The following DCLK1 variants were observed in gnomAD, a reference collection of about 807,000 sequenced individuals.
DCLK1 encodes doublecortin like kinase 1.
A neutral mutation model predicts 86.2 loss-of-function variants in DCLK1; 16 were observed. That is an observed-to-expected ratio of 0.19 (90% CI 0.13 to 0.28). DCLK1 has a LOEUF of 0.28. Ranked by LOEUF, DCLK1 falls within the 10% of genes least tolerant of loss-of-function variation. The pLI, the probability that DCLK1 is intolerant of heterozygous loss-of-function variation, is 1.00. For missense variants in DCLK1, 590 were observed against 940.2 expected (o/e 0.63, Z 4.87); for synonymous variants, 369 against 370.5 (o/e 1.00, Z 0.05).
In DCLK1 at chr13:35,789,224, G is replaced by A. The variant is rs188141521; in HGVS notation, c.2058+4142C>T. 3.6e-3 allele frequency among the ~76,000 whole-genome samples: 546 copies of A among 152,258 alleles called. 2 individuals carry two copies. Among genetic ancestry groups the A allele is most frequent in the African/African-American group, 0.013 (526 of 41,562 alleles). On this transcript the variant is annotated intron_variant, in intron 16 of 16. Transcript: ENST00000360631. ...GGGGCTCATGTGTTCTTTCAAGTGC[G>A]TTACTGGTATGATGCTGATGACAGT...
chr13:36,053,625 C>CAA, intron 3 of DCLK1, among the ~76,000 whole-genome samples: 1 of 137,974 alleles, frequency 7.2e-6, no homozygotes, highest in Admixed American at 7.5e-5. Context: ...TATAGTATCA[C>CAA]GATATATATA....
At position 35,938,097 on chromosome 13, in the gene DCLK1, A is replaced by AT. The variant is rs1876863388; in HGVS notation, c.823+9260dup. On this transcript the variant is annotated intron_variant, in intron 4 of 16. Transcript: ENST00000360631. ...ATTTTTAGAAAAGAAAGGAGACTTC[A>AT]TTTTTTGGAAAGTTGAGGAAAACAG... Among the ~76,000 whole-genome samples, 4 of 152,184 alleles carry AT rather than the reference A, an allele frequency of 2.6e-5. No individual in the cohort carries two copies. The South Asian group carries it at 8.3e-4, about 32-fold the overall frequency.
chr13:35,871,191 G>T (rs1405043242), intron 5 of DCLK1, 33 bp downstream of exon 5: 10 of 1,568,064 alleles, frequency 6.4e-6, no homozygotes, highest in East Asian at 2.2e-5. Flanking sequence ...CAGGAACAAG[G>T]CAATTTCTTC....
At chr13:35,888,167 T>C (rs1873409217) in intron 4 of DCLK1, among the ~76,000 whole-genome samples, 1 of 152,230 alleles carries the variant, frequency 6.6e-6, no homozygotes, top group African/African-American at 2.4e-5. Flanking sequence ...CTGTTTCTCA[T>C]GTTCTCTAAT....
intron 3 of DCLK1, among the ~76,000 whole-genome samples, chr13:36,021,498 C>T (rs1455304907): frequency 2.0e-5 from 3 of 151,788 alleles, no homozygotes; most frequent in Non-Finnish European, 1.5e-5. Context: ...ATGCTATCTA[C>T]AAAATACATA....
In DCLK1 at chr13:35,874,316, G is replaced by GA. The variant is rs533339916; in HGVS notation, c.824-2977dup. ...TAAATTGTTTAGTAAGAAAAGATGT[G>GA]AGTTTATATGAAATACAGATGTTAT... On this transcript the variant is annotated intron_variant, in intron 4 of 16. Transcript: ENST00000360631. 5.8e-4 allele frequency among the ~76,000 whole-genome samples: 88 copies of GA among 152,258 alleles called. 2 individuals are homozygous for GA. The South Asian group carries it at 8.7e-3, about 15-fold the overall frequency.
chr13:35,828,432 T>A, intron 8 of DCLK1, 125 bp from the exon 9 acceptor site: 2 of 759,188 alleles, frequency 2.6e-6, no homozygotes, highest in Non-Finnish European at 4.1e-6. Context: ...TGTGAAAGGA[T>A]TTCCTTTCCT....
At chr13:35,930,231 A>G (rs1199113801) in intron 4 of DCLK1, among the ~76,000 whole-genome samples, 1 of 152,242 alleles carries the variant, frequency 6.6e-6, no homozygotes, top group Non-Finnish European at 1.5e-5. Context: ...AGAATACTTG[A>G]CATGCAGTAG....
intron 4 of DCLK1, among the ~76,000 whole-genome samples, chr13:35,874,433 A>G (rs953257688): frequency 6.6e-6 from 1 of 152,148 alleles, no homozygotes; most frequent in Non-Finnish European, 1.5e-5. Context: ...GAATATTAAA[A>G]AAGAAGAGGA....
At chr13:35,860,814 C>A (rs555828948) in intron 5 of DCLK1, among the ~76,000 whole-genome samples, 1 of 152,230 alleles carries the variant, frequency 6.6e-6, no homozygotes, top group East Asian at 1.9e-4. Flanking sequence ...CTGGGGAAGA[C>A]CCTGGACAGC....
Position 35,968,938 on chromosome 13 carries a change from G to A in DCLK1, c.724-21481C>T, listed in dbSNP as rs78494278. On this transcript the variant is annotated intron_variant, in intron 3 of 16. Transcript: ENST00000360631. ...CTCCCAAATACGTCCTAACCAATCA[G>A]CCAACCAACAAGGAAACAAAATGCT... Among the ~76,000 whole-genome samples the A allele has an allele frequency of 3.6e-4, 55 of 152,206 alleles. No homozygotes were observed. The East Asian group carries it at 9.7e-3, about 27-fold the overall frequency.
chr13:36,014,958 T>A (rs2153149104), intron 3 of DCLK1, among the ~76,000 whole-genome samples: 1 of 151,942 alleles, frequency 6.6e-6, no homozygotes, highest in Admixed American at 6.6e-5. Flanking sequence ...CCCTACCATG[T>A]TCTAATGTGC....
At chr13:36,116,349 T>G (rs2138199093) in intron 2 of DCLK1, among the ~76,000 whole-genome samples, 1 of 152,176 alleles carries the variant, frequency 6.6e-6, no homozygotes. Context: ...AAGTTAATTC[T>G]ACTTTGCCAT....
intron 15 of DCLK1, chr13:35,805,431 G>A (rs749678052): frequency 2.3e-5 from 8 of 350,424 alleles, no homozygotes; most frequent in Non-Finnish European, 4.1e-5. Context: ...TGAGTAGCTG[G>A]GACCACAGGC....
At position 35,835,954 on chromosome 13, in the gene DCLK1, T is replaced by C. The variant is rs2153107427; in HGVS notation, c.1229+79A>G. ...AACTTATTCCATATGTGCCACAGAC[T>C]GGAAATAGAGACACAATCTTGGAAA... On this transcript the variant is annotated intron_variant, in intron 8 of 16. Coordinates refer to ENST00000360631, the MANE Select transcript of DCLK1 (RefSeq NM_001330071.2). 2.8e-6 allele frequency: 3 copies of C among 1,084,042 alleles called. No homozygotes were observed. The Middle Eastern group carries it at 6.2e-4, about 225-fold the overall frequency. 67.2% of individuals were successfully genotyped at this position (1,084,042 alleles called of 1,614,324 possible). A position where few individuals can be genotyped will look rare whatever the true frequency, so the allele number is the denominator to read the frequency against.
chr13:35,850,578 C>G (rs1593659972), intron 6 of DCLK1: 1 of 1,268,396 alleles, frequency 7.9e-7, no homozygotes, highest in Non-Finnish European at 1.0e-6. Context: ...AAAATGCATA[C>G]ATATTTACTT....
intron 3 of DCLK1, among the ~76,000 whole-genome samples, chr13:36,091,950 C>G (rs1566677707): frequency 6.6e-6 from 1 of 152,158 alleles, no homozygotes; most frequent in Non-Finnish European, 1.5e-5. Flanking sequence ...CTTTCCTAGC[C>G]CAGGGCAATG....
chr13:35,868,349 C>T (rs957939310), intron 5 of DCLK1, among the ~76,000 whole-genome samples: 1 of 152,064 alleles, frequency 6.6e-6, no homozygotes, highest in Admixed American at 6.6e-5. Flanking sequence ...AACAAAACTG[C>T]TAAAAACAAT....
chr13:35,864,238 G>A (rs1046906889), intron 5 of DCLK1, among the ~76,000 whole-genome samples: 2 of 152,174 alleles, frequency 1.3e-5, no homozygotes, highest in African/African-American at 4.8e-5. Context: ...CACAGACAGA[G>A]ATTCTAAATA....
Sources: gnomAD v4.1 joint callset for allele counts (sites outside exome capture counted in the v4.1 genomes callset) on GRCh38, gnomAD v4.1.1 for gene constraint, MANE v1.5 for transcripts, NCBI Gene and HGNC (gene_info 2026-07-23, HGNC 2026-07-21) for gene names.